The following SMARCA2 variants were observed in gnomAD, a reference collection of about 807,000 sequenced individuals.
The protein encoded by SMARCA2 is SWI/SNF related BAF chromatin remodeling complex subunit ATPase 2.
Under a neutral mutation model 199.8 loss-of-function variants are expected in SMARCA2, and 61 were observed. That is an observed-to-expected ratio of 0.31 (90% CI 0.25 to 0.38). The LOEUF (loss-of-function observed/expected upper bound fraction) is 0.38, where lower values mean the gene tolerates loss of function less well. Ranked by LOEUF, SMARCA2 falls within the 10% of genes least tolerant of loss-of-function variation. The pLI, the probability that SMARCA2 is intolerant of heterozygous loss-of-function variation, is 1.00. For missense variants in SMARCA2, 1,344 were observed against 2,012.2 expected, an observed-to-expected ratio of 0.67 and a Z score of 6.35; for synonymous variants, 935 against 732.0, an observed-to-expected ratio of 1.28 and a Z score of -4.48.
intron 4 of SMARCA2, chr9:2,045,128 G>A (rs534279344): frequency 6.6e-6 from 1 of 152,168 alleles, no homozygotes. Context: ...GCAGTGTTAC[G>A]GCTTTTGTTG....
At chr9:2,036,360 C>T (rs1490345111) in intron 3 of SMARCA2, among the ~76,000 whole-genome samples, 1 of 152,076 alleles carries the variant, frequency 6.6e-6, no homozygotes, top group Non-Finnish European at 1.5e-5. Context: ...CACTTTTTGA[C>T]TACTTTCGAA....
intron 29 of SMARCA2, among the ~76,000 whole-genome samples, chr9:2,176,712 C>T (rs1826630914): frequency 7.5e-6 from 1 of 132,500 alleles, no homozygotes; most frequent in South Asian, 2.7e-4. Context: ...GCCACCACGC[C>T]TGGCTAAGTT....
At chr9:2,097,339 A>G (rs1822314553) in intron 20 of SMARCA2, 46 bp from the exon 21 acceptor site, 1 of 1,229,146 alleles carries the variant, frequency 8.1e-7, no homozygotes, top group Non-Finnish European at 1.2e-6. Context: ...GAAATGTCTG[A>G]CCAGTTAATA....
intron 1 of SMARCA2, among the ~76,000 whole-genome samples, chr9:2,027,451 A>G (rs1818881575): frequency 1.3e-5 from 2 of 152,190 alleles, no homozygotes; most frequent in Non-Finnish European, 1.5e-5. Context: ...AAAAATATGA[A>G]AAATTAAAAT....
At chr9:2,081,761 C>T (rs1821576938) in intron 14 of SMARCA2, 71 bp from the exon 15 acceptor site, 2 of 1,420,770 alleles carry the variant, frequency 1.4e-6, no homozygotes, top group Non-Finnish European at 9.8e-7. Context: ...GTCACACCCT[C>T]ACTTGGGTTG....
At chr9:2,074,929 C>G (rs1159831650) in intron 12 of SMARCA2, 2 of 152,224 alleles carry the variant, frequency 1.3e-5, no homozygotes, top group African/African-American at 2.4e-5. Flanking sequence ...CCCAGCTACT[C>G]TATCTCTAAG....
rs1827999810 is a variant in SMARCA2, at chr9:2,193,022, C to G, written c.*283C>G. On this transcript the variant is annotated 3_prime_UTR_variant, in exon 34 of 34. Coordinates refer to ENST00000349721, the MANE Select transcript of SMARCA2 (RefSeq NM_003070.5). Reference sequence around the variant, plus strand: ...AAATATGTGGGTGGATAGTATATTTCTATGGGTGGGTCTAATTTGGTAACG... The same window carrying G: ...AAATATGTGGGTGGATAGTATATTTGTATGGGTGGGTCTAATTTGGTAACG... 2.8e-6 allele frequency: 1 copy of G among 363,312 alleles called. No individual in the cohort carries two copies. The highest frequency in any genetic ancestry group is 4.9e-6 in the Non-Finnish European group (1 of 203,822). The allele number at this position is 363,312 out of a possible 1,614,324, so 22.5% of individuals were successfully genotyped here. A position where few individuals can be genotyped will look rare whatever the true frequency, so the allele number is the denominator to read the frequency against.
intron 6 of SMARCA2, among the ~76,000 whole-genome samples, chr9:2,055,218 C>T (rs1241304553): frequency 6.6e-6 from 1 of 152,230 alleles, no homozygotes; most frequent in Non-Finnish European, 1.5e-5. Flanking sequence ...CTTATTTATT[C>T]ACCGATGTCT....
At position 2,016,870 on chromosome 9, in the gene SMARCA2, T is replaced by G. The variant is rs993906941; in HGVS notation, c.-37+1466T>G. 1.3e-5 allele frequency among the ~76,000 whole-genome samples: 2 copies of G among 152,130 alleles called. No homozygotes were observed. The highest frequency in any genetic ancestry group is 4.8e-5 in the African/African-American group (2 of 41,434). ...CCGTTTGCGTTGCAAAACACGGCCA[T>G]GCCATCTGCAAAGGTGTCGCGATGC... On this transcript the variant is annotated intron_variant, in intron 1 of 33. Coordinates refer to ENST00000349721, the MANE Select transcript of SMARCA2 (RefSeq NM_003070.5). The surrounding 1 kb of genome is among the most constrained non-coding windows in gnomAD (Gnocchi z 5.6).
At chr9:2,126,435 C>G (rs1482999334) in intron 27 of SMARCA2, among the ~76,000 whole-genome samples, 1 of 152,242 alleles carries the variant, frequency 6.6e-6, no homozygotes, top group African/African-American at 2.4e-5. Context: ...AAAGTAGATG[C>G]TTCCTGTCTT....
intron 27 of SMARCA2, among the ~76,000 whole-genome samples, chr9:2,142,631 G>T (rs894233263): frequency 3.3e-5 from 5 of 152,100 alleles, no homozygotes; most frequent in African/African-American, 4.8e-5. Context: ...TCTTCAAGCC[G>T]TTTAACTCTC....
At chr9:2,051,784 T>C (rs1820130560) in intron 5 of SMARCA2, among the ~76,000 whole-genome samples, 1 of 152,248 alleles carries the variant, frequency 6.6e-6, no homozygotes, top group African/African-American at 2.4e-5. Flanking sequence ...TCCTTTGGTA[T>C]GGCCTTAACC....
chr9:2,122,148 T>A (rs1453886707), intron 26 of SMARCA2, among the ~76,000 whole-genome samples: 2 of 152,228 alleles, frequency 1.3e-5, no homozygotes, highest in Non-Finnish European at 2.9e-5. Flanking sequence ...TTTACTTTTC[T>A]ATCAGAAAAG....
intron 19 of SMARCA2, among the ~76,000 whole-genome samples, chr9:2,090,854 G>A (rs1194210381): frequency 1.3e-5 from 2 of 151,596 alleles, no homozygotes; most frequent in Non-Finnish European, 2.9e-5. Flanking sequence ...AGCCTTGTTA[G>A]GATTTTTTTT....
intron 19 of SMARCA2, among the ~76,000 whole-genome samples, chr9:2,089,383 T>C (rs993131923): frequency 1.3e-5 from 2 of 152,152 alleles, no homozygotes; most frequent in Non-Finnish European, 2.9e-5. Context: ...TTGCATGAGG[T>C]ATTTTGATTT....
chr9:2,183,514 G>A (rs766814689), intron 31 of SMARCA2, among the ~76,000 whole-genome samples: 4 of 152,162 alleles, frequency 2.6e-5, no homozygotes, highest in African/African-American at 9.7e-5. Context: ...GACCCATGAA[G>A]AAGAAAGAAA....
rs565575891 is a variant in SMARCA2 at position 2,018,972 on chromosome 9, T to C, written c.-37+3568T>C. Among the ~76,000 whole-genome samples, 20 of 152,340 alleles carry C rather than the reference T, an allele frequency of 1.3e-4. No homozygotes were observed. In the South Asian group the frequency reaches 3.5e-3, roughly 27 times the overall value. On this transcript the variant is annotated intron_variant, in intron 1 of 33. Coordinates refer to ENST00000349721, the MANE Select transcript of SMARCA2 (RefSeq NM_003070.5). ...CTAGTTGCTGCATTGTTATGCAAAA[T>C]GAGACACACTTTTTCTTTGAGGAAT...
At chr9:2,111,603 C>T (rs910809706) in intron 24 of SMARCA2, among the ~76,000 whole-genome samples, 7 of 151,878 alleles carry the variant, frequency 4.6e-5, no homozygotes, top group African/African-American at 1.7e-4. Context: ...GTTTTCTCAA[C>T]AGTAACACTA....
At chr9:2,107,084 C>A (rs962128775) in intron 23 of SMARCA2, among the ~76,000 whole-genome samples, 15 of 151,550 alleles carry the variant, frequency 9.9e-5, no homozygotes, top group African/African-American at 3.4e-4. Flanking sequence ...TCTCCCTGAA[C>A]AATATTAAAA....
Sources: allele counts gnomAD v4.1 joint callset (sites outside exome capture counted in the v4.1 genomes callset), GRCh38; gene constraint gnomAD v4.1.1; non-coding constraint Gnocchi (gnomAD v3.1); transcripts MANE v1.5; gene names NCBI Gene and HGNC (gene_info 2026-07-23, HGNC 2026-07-21).